The following SENP6 variants were observed in gnomAD, a reference collection of about 807,000 sequenced individuals.
SENP6 encodes SUMO specific peptidase 6.
Under a neutral mutation model 134.5 loss-of-function variants are expected in SENP6, and 41 were observed. The observed-to-expected ratio is 0.30, with a 90% CI of 0.24 to 0.40. The LOEUF is 0.40. Ranked by LOEUF, SENP6 falls within the 10% of genes least tolerant of loss-of-function variation. The probability of loss-of-function intolerance (pLI) is 1.00; values close to 1 mark genes in which losing one functional copy is unlikely to be tolerated. For synonymous variants in SENP6, 395 were observed against 429.8 expected, an observed-to-expected ratio of 0.92 and a Z score of 1.00; for missense variants, 1,248 against 1,312.5, an observed-to-expected ratio of 0.95 and a Z score of 0.76.
chr6:75,706,741 C>T (rs997316495), intron 19 of SENP6, among the ~76,000 whole-genome samples: 4 of 152,150 alleles, frequency 2.6e-5, no homozygotes, highest in Non-Finnish European at 5.9e-5. Flanking sequence ...CAAAAAATCA[C>T]ATACAGTGAT....
chr6:75,691,143 ATTTTTT>A (rs36048279), intron 16 of SENP6, among the ~76,000 whole-genome samples: 2 of 141,448 alleles, frequency 1.4e-5, no homozygotes, highest in Non-Finnish European at 3.1e-5. Context: ...CCCAGCTAAA[ATTTTTT>A]TTTTTTTTTC....
chr6:75,634,200 A>G lies in SENP6; in HGVS notation c.353+474A>G, dbSNP rs72654719. 0.011 allele frequency among the ~76,000 whole-genome samples: 1,610 copies of G among 152,316 alleles called. 59 individuals are homozygous for G. The East Asian group carries it at 0.14, about 13-fold the overall frequency. On this transcript the variant is annotated intron_variant, in intron 4 of 23. Transcript: ENST00000447266. ...AGTCACTTTTATTTCTGCTGTCTCA[A>G]TTTATACATAGACAAATGAAGTACA... is the stretch of plus-strand genomic sequence containing the variant.
chr6:75,657,212 G>C (rs990197155), intron 7 of SENP6, among the ~76,000 whole-genome samples: 6 of 152,178 alleles, frequency 3.9e-5, no homozygotes, highest in African/African-American at 1.4e-4. Context: ...CTGCTTTACT[G>C]TAAATTAAGT....
intron 7 of SENP6, among the ~76,000 whole-genome samples, chr6:75,655,726 A>C (rs769414275): frequency 1.3e-5 from 2 of 152,198 alleles, no homozygotes; most frequent in African/African-American, 4.8e-5. Flanking sequence ...GATAAACAAC[A>C]CCTGGGTTGT....
rs751536314 is a variant in SENP6 at position 75,695,957 on chromosome 6, A to G, written c.2195+34A>G. 1.2e-5 allele frequency: 19 copies of G among 1,544,102 alleles called. No homozygotes were observed. In the South Asian group the frequency reaches 2.0e-4, roughly 16 times the overall value. ...AACTCTGAAAATATTTAACAGATGT[A>G]AGTCACTCACATTTAACTAAGTGAA... On this transcript the variant is annotated intron_variant, in intron 17 of 23. Transcript: ENST00000447266.
At chr6:75,644,705 G>A (rs1770299937) in intron 6 of SENP6, among the ~76,000 whole-genome samples, 1 of 152,092 alleles carries the variant, frequency 6.6e-6, no homozygotes, top group South Asian at 2.1e-4. Context: ...GTCTGGCCGC[G>A]AACTCCTGGC....
intron 17 of SENP6, 58 bp from the exon 18 acceptor site, chr6:75,697,367 A>T: frequency 8.2e-7 from 1 of 1,214,582 alleles, no homozygotes; most frequent in Non-Finnish European, 1.2e-6. Flanking sequence ...AAATCACTAC[A>T]TATAAGCTGG....
chr6:75,643,766 T>A (rs1241954186), intron 6 of SENP6, among the ~76,000 whole-genome samples: 3 of 152,138 alleles, frequency 2.0e-5, no homozygotes, highest in African/African-American at 7.2e-5. Context: ...CTTTAATACA[T>A]CTTGAAAATT....
intron 10 of SENP6, among the ~76,000 whole-genome samples, chr6:75,668,024 A>C (rs1279428075): frequency 6.6e-6 from 1 of 152,226 alleles, no homozygotes; most frequent in Non-Finnish European, 1.5e-5. Flanking sequence ...GTCAGTGTTC[A>C]TAGGAGTACA....
At chr6:75,672,922 G>T (rs2149875101) in intron 11 of SENP6, among the ~76,000 whole-genome samples, 1 of 152,164 alleles carries the variant, frequency 6.6e-6, no homozygotes, top group East Asian at 1.9e-4. Context: ...CCGCCTCCTG[G>T]GTTCATGCCA....
intron 5 of SENP6, chr6:75,635,098 T>C: frequency 2.3e-6 from 1 of 441,512 alleles, no homozygotes; most frequent in Non-Finnish European, 4.3e-6. Context: ...GACCTGAAAG[T>C]GTTTGACTGA....
At chr6:75,689,717 A>G (rs1582867007) in intron 16 of SENP6, among the ~76,000 whole-genome samples, 1 of 152,208 alleles carries the variant, frequency 6.6e-6, no homozygotes, top group Non-Finnish European at 1.5e-5. Context: ...TATGGTATTC[A>G]GTACGGTAAC....
chr6:75,687,343 A>G (rs139686526), intron 16 of SENP6, among the ~76,000 whole-genome samples: 1,744 of 152,258 alleles, frequency 0.011, 32 homozygotes, highest in African/African-American at 0.039. Flanking sequence ...GGGTTCGAAC[A>G]TCCTCCTTTA....
intron 23 of SENP6, 77 bp from the exon 24 acceptor site, chr6:75,715,308 A>G: frequency 9.0e-7 from 1 of 1,113,550 alleles, no homozygotes; most frequent in Non-Finnish European, 1.3e-6. Context: ...CTTATTTTTA[A>G]CTTCGGAATG....
chr6:75,630,226 C>G (rs1769005324), intron 3 of SENP6, among the ~76,000 whole-genome samples: 1 of 152,052 alleles, frequency 6.6e-6, no homozygotes, highest in Non-Finnish European at 1.5e-5. Context: ...TGCATCACCA[C>G]ACCCGGCAAA....
rs1438968301 is a variant in SENP6, at chr6:75,634,693, T to A, written c.354-14T>A. The A allele has an allele frequency of 2.1e-6, 3 of 1,450,564 alleles. No individual in the cohort carries two copies. Among genetic ancestry groups the A allele is most frequent in the Non-Finnish European group, 2.8e-6 (3 of 1,066,634 alleles). The allele number at this position is 1,450,564 out of a possible 1,614,324, so 89.9% of individuals were successfully genotyped here. A position where few individuals can be genotyped will look rare whatever the true frequency, so the allele number is the denominator to read the frequency against. On this transcript the variant is annotated splice_polypyrimidine_tract_variant and intron_variant, in intron 4 of 23. Coordinates refer to ENST00000447266, the MANE Select transcript of SENP6 (RefSeq NM_015571.4). ...TTCCGTGTTCAAGTTATTTTTTGTTTCTTGAATCTGCAGTGAAAATACGCA... is the reference window on the plus strand; with the variant it reads ...TTCCGTGTTCAAGTTATTTTTTGTTACTTGAATCTGCAGTGAAAATACGCA...
At chr6:75,711,986 GTGAACCA>G (rs1775777793) in intron 21 of SENP6, among the ~76,000 whole-genome samples, 1 of 152,130 alleles carries the variant, frequency 6.6e-6, no homozygotes, top group South Asian at 2.1e-4. Flanking sequence ...AGTTTTGATA[GTGAACCA>G]CTATTCCTTT....
At chr6:75,712,743 A>G (rs1321163058) in intron 21 of SENP6, among the ~76,000 whole-genome samples, 3 of 152,104 alleles carry the variant, frequency 2.0e-5, no homozygotes. Flanking sequence ...TTGAAAAAAA[A>G]AAGTTCTAAA....
At chr6:75,630,454 C>CA (rs1769026649) in intron 3 of SENP6, among the ~76,000 whole-genome samples, 1 of 152,196 alleles carries the variant, frequency 6.6e-6, no homozygotes, top group Admixed American at 6.5e-5. Context: ...GGGCATGGAT[C>CA]AGGGGCTATG....
Sources: gnomAD v4.1 joint callset for allele counts (sites outside exome capture counted in the v4.1 genomes callset) on GRCh38, gnomAD v4.1.1 for gene constraint, MANE v1.5 for transcripts, NCBI Gene and HGNC (gene_info 2026-07-23, HGNC 2026-07-21) for gene names.